The following CRYAB variants were observed in gnomAD, a reference collection of about 807,000 sequenced individuals.
CRYAB encodes the protein alpha-crystallin B chain.
In CRYAB, 9 loss-of-function variants were observed where a neutral mutation model predicts 12.7. That is an observed-to-expected ratio of 0.71 (90% confidence interval 0.43 to 1.24). The LOEUF is 1.24. CRYAB is among the 50% of genes most tolerant of loss of function. The pLI is 0.00. For synonymous variants in CRYAB, 93 were observed against 86.8 expected (o/e 1.07, Z -0.40); for missense variants, 183 against 226.6 (o/e 0.81, Z 1.24).
At chr11:111,918,628 G>A in intron 1 of CRYAB, 1 of 671,682 alleles carries the variant, frequency 1.5e-6, no homozygotes. Flanking sequence ...ACAGAGTGAT[G>A]TAATGGAGAA....
chr11:111,914,081 C>T (rs1225124765), upstream of CRYAB: 4 of 604,882 alleles, frequency 6.6e-6, no homozygotes, highest in Non-Finnish European at 1.1e-5. Flanking sequence ...TGAATAAACC[C>T]AAATCTCAGG....
At chr11:111,912,265 G>A, upstream of CRYAB, 1 of 186,426 alleles carries the variant, frequency 5.4e-6, no homozygotes, top group Non-Finnish European at 1.1e-5. Flanking sequence ...GTCAGCACCA[G>A]CCATCTGCCT....
chr11:111,909,943 G>A, intron 2 of CRYAB: 1 of 568,178 alleles, frequency 1.8e-6, no homozygotes. Flanking sequence ...TAAAAATGCT[G>A]ATTTAATTGG....
chr11:111,910,998 G>A (rs995773189), intron 1 of CRYAB: 7 of 226,246 alleles, frequency 3.1e-5, no homozygotes, highest in Non-Finnish European at 6.2e-5. Flanking sequence ...ACAAATGGGC[G>A]TCCCTATATT....
At chr11:111,919,308 A>C (rs993122157) in intron 1 of CRYAB, 2 of 315,286 alleles carry the variant, frequency 6.3e-6, no homozygotes, top group Admixed American at 4.1e-5. Context: ...CCCCGTCTCT[A>C]CTGAAAATAC....
upstream of CRYAB, chr11:111,913,032 T>C (rs4252587): frequency 1.2e-4 from 88 of 759,122 alleles, no homozygotes; most frequent in African/African-American, 1.4e-3. Context: ...ACTGATCTCC[T>C]GGGACCAGCC....
rs1212075144 is a variant in CRYAB, at chr11:111,908,613, A to T, written c.*151T>A. On this transcript the variant is annotated 3_prime_UTR_variant, in exon 3 of 3. Transcript: ENST00000650687. ...AAAAGTGTGTGGAATATTCAAACAC[A>T]AGACAGTTATCTGTTGCTGAATGAT... 7.2e-6 allele frequency: 5 copies of T among 695,122 alleles called. No individual in the cohort carries two copies. The highest frequency in any genetic ancestry group is 1.3e-5 in the Non-Finnish European group (5 of 396,458). The allele number at this position is 695,122 out of a possible 1,614,324, so 43.1% of individuals were successfully genotyped here.
At chr11:111,918,729 G>A in intron 1 of CRYAB, 1 of 682,070 alleles carries the variant, frequency 1.5e-6, no homozygotes, top group Non-Finnish European at 2.7e-6. Context: ...ATCAAAAGAC[G>A]CTTCAAATCC....
At chr11:111,915,939 G>A (rs962981449), upstream of CRYAB, among the ~76,000 whole-genome samples, 3 of 151,896 alleles carry the variant, frequency 2.0e-5, no homozygotes, top group African/African-American at 7.3e-5. Context: ...ATGAGGTCTC[G>A]CCTTGTTGTC....
chr11:111,923,135 A>C (rs1281570650), intron 1 of CRYAB, among the ~76,000 whole-genome samples: 2 of 152,242 alleles, frequency 1.3e-5, no homozygotes, highest in Non-Finnish European at 2.9e-5. Flanking sequence ...ACAAGTGGCA[A>C]AGAATTAGAA....
At chr11:111,919,002 C>T in intron 1 of CRYAB, 3 of 1,614,182 alleles carry the variant, frequency 1.9e-6, no homozygotes, top group Non-Finnish European at 2.5e-6. Flanking sequence ...GCGGAGGAAG[C>T]TGGTGAGTAG....
At chr11:111,911,494 C>T (rs368077774) in intron 1 of CRYAB, 30 bp downstream of exon 1, 22 of 1,585,500 alleles carry the variant, frequency 1.4e-5, no homozygotes, top group African/African-American at 2.7e-5. Flanking sequence ...CCAGTAAGGA[C>T]TCTCCCGTCC....
chr11:111,912,687 C>CCCCCA, upstream of CRYAB: 3 of 530,720 alleles, frequency 5.7e-6, no homozygotes, highest in South Asian at 1.9e-5. Context: ...CCCCTCCCCC[C>CCCCCA]CCAAGAGGCT....
At chr11:111,917,615 C>T (rs1965616822), upstream of CRYAB, among the ~76,000 whole-genome samples, 1 of 149,786 alleles carries the variant, frequency 6.7e-6, no homozygotes. Flanking sequence ...CCAGCCTGGT[C>T]CACATAACAA....
At chr11:111,918,808 T>G in intron 1 of CRYAB, 1 of 745,778 alleles carries the variant, frequency 1.3e-6, no homozygotes, top group Non-Finnish European at 2.4e-6. Context: ...CACAGTCACC[T>G]GGGAATCATT....
At chr11:111,912,946 T>G, upstream of CRYAB, 8 of 965,922 alleles carry the variant, frequency 8.3e-6, no homozygotes, top group Non-Finnish European at 9.0e-6. Context: ...CACCACCCCC[T>G]TGCCCCCCAC....
chr11:111,913,197 T>C (rs760785788), upstream of CRYAB: 36 of 602,912 alleles, frequency 6.0e-5, no homozygotes, highest in Non-Finnish European at 1.0e-4. Flanking sequence ...CCAGGCCGTT[T>C]GGTGCCTCCT....
chr11:111,912,956 C>A (rs782597952), upstream of CRYAB: 8 of 1,478,346 alleles, frequency 5.4e-6, no homozygotes, highest in African/African-American at 1.0e-4. Context: ...TTGCCCCCCA[C>A]CCCCACCCCC....
At chr11:111,923,061 ATG>A (rs1965725911) in intron 1 of CRYAB, among the ~76,000 whole-genome samples, 1 of 152,212 alleles carries the variant, frequency 6.6e-6, no homozygotes, top group South Asian at 2.1e-4. Context: ...GCCCTAGTCT[ATG>A]TATTTTAGGA....
Sources: gnomAD v4.1 joint callset for allele counts (sites outside exome capture counted in the v4.1 genomes callset) on GRCh38, gnomAD v4.1.1 for gene constraint, MANE v1.5 for transcripts, NCBI Gene and HGNC (gene_info 2026-07-23, HGNC 2026-07-21) for gene names.